Variants in HS3ST4 observed in about 807,000 individuals in gnomAD.
HS3ST4 encodes the protein heparan sulfate-glucosamine 3-sulfotransferase 4.
Under a neutral mutation model 29.2 loss-of-function variants are expected in HS3ST4, and 17 were observed. The ratio of observed to expected loss-of-function variants is 0.58; its 90% CI spans 0.40 to 0.87. The LOEUF (loss-of-function observed/expected upper bound fraction) is 0.87, where lower values mean the gene tolerates loss of function less well. Among genes scored for constraint, HS3ST4 ranks in the 40% least tolerant of loss-of-function variants. The pLI is 0.00. For synonymous variants in HS3ST4, 314 were observed against 285.7 expected, an observed-to-expected ratio of 1.10 and a Z score of -1.00; for missense variants, 627 against 634.5, an observed-to-expected ratio of 0.99 and a Z score of 0.13.
chr16:26,060,563 A>G (rs1161997039), intron 1 of HS3ST4, among the ~76,000 whole-genome samples: 1 of 152,118 alleles, frequency 6.6e-6, no homozygotes, highest in Non-Finnish European at 1.5e-5. Context: ...TTGGTCATCA[A>G]TCTTTGCACT....
At chr16:25,798,024 G>A (rs1443666042) in intron 1 of HS3ST4, among the ~76,000 whole-genome samples, 1 of 152,222 alleles carries the variant, frequency 6.6e-6, no homozygotes. Context: ...TATGTGTTGA[G>A]TGTGGGGTAG....
chr16:26,028,330 G>A (rs939217538), intron 1 of HS3ST4, among the ~76,000 whole-genome samples: 1 of 150,556 alleles, frequency 6.6e-6, no homozygotes, highest in African/African-American at 2.4e-5. Flanking sequence ...GGTAGGGACT[G>A]TATTTTTAAT....
rs1223413455 is a variant in HS3ST4, at chr16:25,691,978, T to C, written c.-440T>C. ...CTCCTCCTCCCCTCCGCGCCTCTCC[T>C]CTCTCCCGGCAGAAAGTTAGCAGCG... On this transcript the variant is annotated 5_prime_UTR_variant, in exon 1 of 2. Transcript: ENST00000331351. 1 of 148,346 alleles carries C rather than the reference T, an allele frequency of 6.7e-6. No individual in the cohort carries two copies. Among genetic ancestry groups the C allele is most frequent in the Non-Finnish European group, 1.5e-5 (1 of 66,998 alleles). The allele number at this position is 148,346 out of a possible 1,614,324, so 9.2% of individuals were successfully genotyped here. A position where few individuals can be genotyped will look rare whatever the true frequency, so the allele number is the denominator to read the frequency against.
chr16:26,060,971 A>G (rs573905429), intron 1 of HS3ST4, among the ~76,000 whole-genome samples: 6 of 152,154 alleles, frequency 3.9e-5, no homozygotes, highest in Non-Finnish European at 7.4e-5. Flanking sequence ...TTTTATAAAG[A>G]TGTTTAGTAA....
intron 1 of HS3ST4, among the ~76,000 whole-genome samples, chr16:25,858,248 C>A (rs1217484048): frequency 1.3e-5 from 2 of 151,888 alleles, no homozygotes; most frequent in Non-Finnish European, 2.9e-5. Context: ...CTTGCATGCA[C>A]ATATATAATT....
intron 1 of HS3ST4, among the ~76,000 whole-genome samples, chr16:25,793,930 G>T (rs1169781866): frequency 6.6e-6 from 1 of 151,194 alleles, no homozygotes; most frequent in Non-Finnish European, 1.5e-5. Context: ...ATGTCTTCCT[G>T]TATCACATTT....
intron 1 of HS3ST4, among the ~76,000 whole-genome samples, chr16:26,029,417 C>T (rs1969511244): frequency 1.4e-5 from 2 of 144,756 alleles, no homozygotes; most frequent in African/African-American, 5.0e-5. Context: ...AGGGGTAGTT[C>T]TTTTTTTTTT....
At chr16:25,957,358 T>C (rs370050911) in intron 1 of HS3ST4, among the ~76,000 whole-genome samples, 11 of 152,208 alleles carry the variant, frequency 7.2e-5, no homozygotes, top group African/African-American at 2.4e-4. Context: ...CACAGATTTG[T>C]TTAATTAAAT....
chr16:25,775,254 G>A (rs1966846530), intron 1 of HS3ST4, among the ~76,000 whole-genome samples: 1 of 152,182 alleles, frequency 6.6e-6, no homozygotes. Flanking sequence ...AATGGATTTG[G>A]ACAATAAGTG....
chr16:25,750,456 A>C (rs1237609506), intron 1 of HS3ST4, among the ~76,000 whole-genome samples: 2 of 152,226 alleles, frequency 1.3e-5, no homozygotes, highest in Admixed American at 6.5e-5. Flanking sequence ...TGGACTTTGC[A>C]GCTATGCTTT....
intron 1 of HS3ST4, among the ~76,000 whole-genome samples, chr16:25,822,896 C>G (rs954465206): frequency 6.6e-6 from 1 of 152,032 alleles, no homozygotes; most frequent in African/African-American, 2.4e-5. Flanking sequence ...CACCACCACC[C>G]CTGACTAATT....
chr16:25,827,986 T>C (rs1175193220), intron 1 of HS3ST4, among the ~76,000 whole-genome samples: 1 of 152,222 alleles, frequency 6.6e-6, no homozygotes, highest in Admixed American at 6.5e-5. Flanking sequence ...GGTTTCTTTT[T>C]TTTTAACTTC....
chr16:26,020,278 CA>C (rs1439007363), intron 1 of HS3ST4, among the ~76,000 whole-genome samples: 1 of 152,018 alleles, frequency 6.6e-6, no homozygotes. Flanking sequence ...GGTAAATGTG[CA>C]AAAAGGAGAG....
chr16:25,857,211 G>A (rs1158731881), intron 1 of HS3ST4, among the ~76,000 whole-genome samples: 1 of 152,170 alleles, frequency 6.6e-6, no homozygotes, highest in Admixed American at 6.5e-5. Context: ...TCCTATCAGT[G>A]TATGCCTCCA....
intron 1 of HS3ST4, among the ~76,000 whole-genome samples, chr16:26,134,803 T>C (rs2141817779): frequency 6.6e-6 from 1 of 152,358 alleles, no homozygotes. Context: ...ATCAGCAGAC[T>C]CTTTCTTAAA....
intron 1 of HS3ST4, among the ~76,000 whole-genome samples, chr16:25,799,059 C>T (rs1048130775): frequency 2.8e-4 from 43 of 152,136 alleles, no homozygotes; most frequent in Admixed American, 4.6e-4. Flanking sequence ...TTGAATACCC[C>T]GGTTGTCAAA....
chr16:26,101,101 T>C (rs1227874453), intron 1 of HS3ST4, among the ~76,000 whole-genome samples: 1 of 152,188 alleles, frequency 6.6e-6, no homozygotes, highest in Non-Finnish European at 1.5e-5. Flanking sequence ...TCTCCAACCT[T>C]CTTGCTCCTC....
intron 1 of HS3ST4, among the ~76,000 whole-genome samples, chr16:25,768,216 A>G (rs1176616504): frequency 6.6e-6 from 1 of 152,276 alleles, no homozygotes; most frequent in South Asian, 2.1e-4. Context: ...TCCCCAATGC[A>G]TGTCTAAATC....
At chr16:25,829,465 T>C (rs1967271588) in intron 1 of HS3ST4, among the ~76,000 whole-genome samples, 1 of 152,226 alleles carries the variant, frequency 6.6e-6, no homozygotes, top group Non-Finnish European at 1.5e-5. Flanking sequence ...GCAGGTTTGT[T>C]ACGTAGGTAT....
Sources: gnomAD v4.1 joint callset for allele counts (sites outside exome capture counted in the v4.1 genomes callset) on GRCh38, gnomAD v4.1.1 for gene constraint, MANE v1.5 for transcripts, NCBI Gene and HGNC (gene_info 2026-07-23, HGNC 2026-07-21) for gene names.